The following ADK variants were observed in gnomAD, a reference collection of about 807,000 sequenced individuals.
ADK encodes adenosine kinase, also known as N6,N6-dimethyladenosine kinase.
A neutral mutation model predicts 44.7 loss-of-function variants in ADK; 24 were observed. The observed-to-expected ratio is 0.54, with a 90% CI of 0.39 to 0.76. The LOEUF (loss-of-function observed/expected upper bound fraction) is 0.76, where lower values mean the gene tolerates loss of function less well. ADK is among the 30% of genes least tolerant of loss of function. ADK has a pLI of 0.00. For missense variants in ADK, 321 were observed against 425.1 expected (o/e 0.76, Z 2.15); for synonymous variants, 128 against 142.6 (o/e 0.90, Z 0.73).
intron 9 of ADK, among the ~76,000 whole-genome samples, chr10:74,660,056 A>G (rs1477306136): frequency 6.6e-6 from 1 of 152,214 alleles, no homozygotes; most frequent in Non-Finnish European, 1.5e-5. Flanking sequence ...CAACTTTTCC[A>G]AGTGCTTTAT....
chr10:74,154,187 G>A (rs528280417), intron 1 of ADK, among the ~76,000 whole-genome samples: 1 of 152,220 alleles, frequency 6.6e-6, no homozygotes, highest in African/African-American at 2.4e-5. Context: ...GAGATGTATG[G>A]GGTCCAGGCT....
chr10:74,402,341 A>T (rs1410374417), intron 6 of ADK, among the ~76,000 whole-genome samples: 1 of 152,084 alleles, frequency 6.6e-6, no homozygotes, highest in Non-Finnish European at 1.5e-5. Flanking sequence ...GTGTTTTCCA[A>T]CTTGGTTCCA....
At chr10:74,628,513 C>A (rs1398675780) in intron 9 of ADK, among the ~76,000 whole-genome samples, 2 of 151,522 alleles carry the variant, frequency 1.3e-5, no homozygotes, top group Admixed American at 6.6e-5. Flanking sequence ...TCTGAAGAAT[C>A]TCACTCGTCT....
At chr10:74,247,272 C>CCT in intron 3 of ADK, among the ~76,000 whole-genome samples, 1 of 114,456 alleles carries the variant, frequency 8.7e-6, no homozygotes, top group African/African-American at 3.4e-5. Context: ...GCTGTGTCAG[C>CCT]TAGGCTCGGG....
intron 7 of ADK, among the ~76,000 whole-genome samples, chr10:74,544,470 A>G (rs1849754666): frequency 6.6e-6 from 1 of 152,244 alleles, no homozygotes; most frequent in Non-Finnish European, 1.5e-5. Context: ...CAACTTTATT[A>G]ATAGATTACT....
intron 3 of ADK, among the ~76,000 whole-genome samples, chr10:74,278,226 C>T (rs1437129229): frequency 1.6e-4 from 25 of 151,692 alleles, no homozygotes. Flanking sequence ...TAGTGGCAGG[C>T]ACCTGTAAAC....
chr10:74,350,227 C>T (rs1362402036), intron 4 of ADK, among the ~76,000 whole-genome samples: 1 of 152,190 alleles, frequency 6.6e-6, no homozygotes, highest in Non-Finnish European at 1.5e-5. Flanking sequence ...TCTCAGACCA[C>T]AGTGCAATCA....
chr10:74,419,146 C>A (rs1042539926), intron 6 of ADK, among the ~76,000 whole-genome samples: 1 of 152,016 alleles, frequency 6.6e-6, no homozygotes, highest in Non-Finnish European at 1.5e-5. Flanking sequence ...TTGGACTATT[C>A]ATATATTTAG....
At chr10:74,560,500 G>C (rs180821486) in intron 7 of ADK, among the ~76,000 whole-genome samples, 161 of 152,314 alleles carry the variant, frequency 1.1e-3, no homozygotes, top group Non-Finnish European at 1.9e-3. Flanking sequence ...CGTAGCAGCA[G>C]ACCAAATTCT....
At chr10:74,324,437 T>C (rs1840938416) in intron 4 of ADK, among the ~76,000 whole-genome samples, 1 of 152,200 alleles carries the variant, frequency 6.6e-6, no homozygotes, top group African/African-American at 2.4e-5. Context: ...ATAAACACCA[T>C]TTTACTTTCT....
At chr10:74,381,847 G>A (rs1222064069) in intron 4 of ADK, among the ~76,000 whole-genome samples, 1 of 152,134 alleles carries the variant, frequency 6.6e-6, no homozygotes, top group Non-Finnish European at 1.5e-5. Flanking sequence ...TTTGCCTTAC[G>A]TTTTTGATGT....
chr10:74,210,112 C>G (rs1252930420), intron 2 of ADK, among the ~76,000 whole-genome samples: 1 of 151,980 alleles, frequency 6.6e-6, no homozygotes, highest in East Asian at 1.9e-4. Context: ...AACGGATCAC[C>G]TGAGGTCAGG....
chr10:74,448,570 A>C (rs1845665634), intron 6 of ADK, among the ~76,000 whole-genome samples: 1 of 152,164 alleles, frequency 6.6e-6, no homozygotes, highest in South Asian at 2.1e-4. Context: ...CAGGAAGATA[A>C]GTGACTTTTA....
At chr10:74,375,561 AC>A (rs1842790221) in intron 4 of ADK, among the ~76,000 whole-genome samples, 1 of 152,192 alleles carries the variant, frequency 6.6e-6, no homozygotes, top group Admixed American at 6.5e-5. Flanking sequence ...TACAGTTGTT[AC>A]TACCTATTTA....
At chr10:74,245,144 G>C (rs1845369897) in intron 3 of ADK, among the ~76,000 whole-genome samples, 1 of 152,112 alleles carries the variant, frequency 6.6e-6, no homozygotes, top group Non-Finnish European at 1.5e-5. Context: ...TCTTGCATTT[G>C]AATTTTTCTT....
chr10:74,493,918 T>C (rs1847586501), intron 6 of ADK, among the ~76,000 whole-genome samples: 1 of 152,146 alleles, frequency 6.6e-6, no homozygotes. Context: ...AGTTTTTGGT[T>C]ATTTAATGCA....
At chr10:74,656,560 G>C (rs1268547675) in intron 9 of ADK, among the ~76,000 whole-genome samples, 2 of 152,052 alleles carry the variant, frequency 1.3e-5, no homozygotes, top group Admixed American at 1.3e-4. Context: ...AGGAGAGAGA[G>C]CAAGGATTGA....
rs563085840 is a variant in ADK, at chr10:74,645,606, A to T, written c.878-24577A>T. 2.0e-5 allele frequency among the ~76,000 whole-genome samples: 3 copies of T among 152,218 alleles called. No individual in the cohort carries two copies. The South Asian group carries it at 6.2e-4, about 32-fold the overall frequency. ...TTCTGCTTTCTTTATATTAATACTT[A>T]CTCTAATAGTAATTGAACTCCCAAA... On this transcript the variant is annotated intron_variant, in intron 9 of 10. Coordinates refer to ENST00000539909, the MANE Select transcript of ADK (RefSeq NM_006721.4).
chr10:74,471,302 C>T (rs1418375537), intron 6 of ADK, among the ~76,000 whole-genome samples: 1 of 152,026 alleles, frequency 6.6e-6, no homozygotes, highest in African/African-American at 2.4e-5. Context: ...TCTCGATCTC[C>T]TGACCTCGTG....
Sources: gnomAD v4.1 joint callset for allele counts (sites outside exome capture counted in the v4.1 genomes callset) on GRCh38, gnomAD v4.1.1 for gene constraint, MANE v1.5 for transcripts, NCBI Gene and HGNC (gene_info 2026-07-23, HGNC 2026-07-21) for gene names.